The following RMDN1 variants were observed in gnomAD, a reference collection of about 807,000 sequenced individuals.
RMDN1 encodes the protein regulator of microtubule dynamics 1.
Under a neutral mutation model 48.9 loss-of-function variants are expected in RMDN1, and 48 were observed. The ratio of observed to expected loss-of-function variants is 0.98; its 90% CI spans 0.78 to 1.25. The LOEUF (loss-of-function observed/expected upper bound fraction) is 1.25. Among genes scored for constraint, RMDN1 ranks in the 50% most tolerant of loss-of-function variants. The probability of loss-of-function intolerance (pLI) is 0.00; values close to 1 mark genes in which losing one functional copy is unlikely to be tolerated. For missense variants in RMDN1, 418 were observed against 373.4 expected (o/e 1.12, Z -0.98); for synonymous variants, 148 against 132.6 (o/e 1.12, Z -0.80).
At chr8:86,496,947 C>T (rs1386008675) in intron 2 of RMDN1, among the ~76,000 whole-genome samples, 4 of 152,028 alleles carry the variant, frequency 2.6e-5, no homozygotes, top group Admixed American at 6.6e-5. Flanking sequence ...AGCACTCTCT[C>T]AGATCACAGC....
chr8:86,501,032 G>T (rs760272647), intron 2 of RMDN1, among the ~76,000 whole-genome samples: 1 of 152,026 alleles, frequency 6.6e-6, no homozygotes, highest in Admixed American at 6.6e-5. Flanking sequence ...AACAATAGAC[G>T]CTGGGGCCTA....
upstream of RMDN1, among the ~76,000 whole-genome samples, chr8:86,509,623 G>A (rs546410717): frequency 6.6e-6 from 1 of 152,062 alleles, no homozygotes; most frequent in Non-Finnish European, 1.5e-5. Context: ...TTGATCTTCC[G>A]AACTACCTTG....
intron 2 of RMDN1, chr8:86,504,566 G>A (rs1418621037): frequency 3.2e-6 from 4 of 1,244,038 alleles, no homozygotes; most frequent in Non-Finnish European, 2.4e-6. Flanking sequence ...CTGCTGCAAA[G>A]GGCAGGAAGG....
chr8:86,492,651 TTAATAATAATAATAATAATAATAA>T (rs71574272), intron 2 of RMDN1, among the ~76,000 whole-genome samples: 1 of 144,288 alleles, frequency 6.9e-6, no homozygotes, highest in Non-Finnish European at 1.5e-5. Flanking sequence ...AGACTCCGCC[TTAATAATAATAATAATAATAATAA>T]TAATAATAAT....
chr8:86,477,337 CAA>C lies in RMDN1; in HGVS notation c.730-15_730-14del, dbSNP rs551847149. 247 of 1,414,890 alleles carry C rather than the reference CAA, an allele frequency of 1.7e-4. 2 individuals are homozygous for C. In the South Asian group the frequency reaches 2.8e-3, roughly 16 times the overall value. The allele number at this position is 1,414,890 out of a possible 1,614,324, so 87.6% of individuals were successfully genotyped here. A position where few individuals can be genotyped will look rare whatever the true frequency, so the allele number is the denominator to read the frequency against. ...AGTAGCCTAAGGCCTGTCAAAAACACAAAGAGCCCAAACATAATAAAAAAGAT... is the reference window on the plus strand; with the variant it reads ...AGTAGCCTAAGGCCTGTCAAAAACACAGAGCCCAAACATAATAAAAAAGAT... On this transcript the variant is annotated splice_polypyrimidine_tract_variant and intron_variant, in intron 7 of 9. Coordinates refer to ENST00000406452, the MANE Select transcript of RMDN1 (RefSeq NM_016033.3).
intron 2 of RMDN1, chr8:86,504,158 T>C (rs1262890218): frequency 1.4e-6 from 2 of 1,402,348 alleles, no homozygotes; most frequent in Non-Finnish European, 2.0e-6. Flanking sequence ...GGCTTTACCA[T>C]CCTTCCTGCT....
chr8:86,504,277 AC>A, intron 2 of RMDN1: 2 of 1,573,932 alleles, frequency 1.3e-6, no homozygotes, highest in Non-Finnish European at 8.7e-7. Flanking sequence ...GTTGTGGGGC[AC>A]CCAGGATGTA....
At chr8:86,508,711 C>G (rs943757152), upstream of RMDN1, 5 of 1,343,000 alleles carry the variant, frequency 3.7e-6, no homozygotes, top group Non-Finnish European at 3.8e-6. Context: ...CGGAAAGAAC[C>G]GCGCCCGCCC....
At chr8:86,507,271 T>A (rs1490154004) in intron 1 of RMDN1, among the ~76,000 whole-genome samples, 159 bp from the exon 2 acceptor site, 12 of 152,160 alleles carry the variant, frequency 7.9e-5, no homozygotes, top group Non-Finnish European at 1.5e-4. Context: ...TAAAACTATC[T>A]CAAAGCGTAT....
At chr8:86,485,002 T>C in intron 4 of RMDN1, 41 bp from the exon 5 acceptor site, 1 of 1,138,676 alleles carries the variant, frequency 8.8e-7, no homozygotes, top group Non-Finnish European at 1.3e-6. Context: ...ATATTCTTAA[T>C]ATTCCATTCA....
upstream of RMDN1, among the ~76,000 whole-genome samples, chr8:86,512,185 C>T (rs887065240): frequency 3.4e-4 from 52 of 152,226 alleles, no homozygotes; most frequent in African/African-American, 1.2e-3. Context: ...CAAAACCATC[C>T]CCTTGCCTCT....
chr8:86,501,457 G>A (rs111835857), intron 2 of RMDN1, among the ~76,000 whole-genome samples: 26 of 152,290 alleles, frequency 1.7e-4, no homozygotes, highest in African/African-American at 6.3e-4. Flanking sequence ...TGGATTGCTT[G>A]AGCCTAGGAG....
At chr8:86,494,384 C>T (rs368531147) in intron 2 of RMDN1, among the ~76,000 whole-genome samples, 5 of 151,938 alleles carry the variant, frequency 3.3e-5, no homozygotes, top group Admixed American at 1.3e-4. Flanking sequence ...GGCAAAACCC[C>T]GTCTCTACCA....
Position 86,472,658 on chromosome 8 carries a change from T to TG in RMDN1, c.*1649_*1650insC. ...TTCACTGTATCAGTGGTGTGTCATA[T>TG]TTTTTTTTTTGCCATCCTTGTTCCT... On this transcript the variant is annotated 3_prime_UTR_variant, in exon 10 of 10. Transcript: ENST00000406452. 1 of 218,198 alleles carries TG rather than the reference T, an allele frequency of 4.6e-6. No individual in the cohort carries two copies. The highest frequency in any genetic ancestry group is 1.0e-4 in the South Asian group (1 of 9,602). The allele number at this position is 218,198 out of a possible 1,614,324, so 13.5% of individuals were successfully genotyped here.
intron 2 of RMDN1, among the ~76,000 whole-genome samples, chr8:86,506,496 T>C (rs140317655): frequency 1.4e-4 from 21 of 152,352 alleles, no homozygotes; most frequent in Non-Finnish European, 2.6e-4. Flanking sequence ...CAATGTACAG[T>C]GTAGCCCACA....
intron 2 of RMDN1, among the ~76,000 whole-genome samples, chr8:86,500,377 C>T (rs1454476697): frequency 6.6e-6 from 1 of 151,738 alleles, no homozygotes; most frequent in Non-Finnish European, 1.5e-5. Flanking sequence ...AAGACATGAA[C>T]ACTTCTCAAA....
In RMDN1 at chr8:86,490,616, T is replaced by C. The variant is rs564655488; in HGVS notation, c.248-1977A>G. ...CATTTTTGGCTTCTGAACGGCAAGA[T>C]ACAGAACTAAAGAACCCTAAGATAA... On this transcript the variant is annotated intron_variant, in intron 2 of 9. Coordinates refer to ENST00000406452, the MANE Select transcript of RMDN1 (RefSeq NM_016033.3). Among the ~76,000 whole-genome samples the C allele has an allele frequency of 1.8e-3, 278 of 152,276 alleles. 2 individuals carry two copies. The highest frequency in any genetic ancestry group is 2.8e-3 in the Non-Finnish European group (191 of 68,004).
At chr8:86,500,960 C>G (rs561073287) in intron 2 of RMDN1, among the ~76,000 whole-genome samples, 2 of 152,186 alleles carry the variant, frequency 1.3e-5, no homozygotes, top group Non-Finnish European at 2.9e-5. Flanking sequence ...AAACCAAATA[C>G]TGCATGTTTT....
intron 2 of RMDN1, among the ~76,000 whole-genome samples, chr8:86,492,608 G>A (rs751890020): frequency 2.0e-5 from 3 of 151,466 alleles, no homozygotes; most frequent in Non-Finnish European, 4.4e-5. Context: ...AAATGAGATC[G>A]CACCAATGCA....
Sources: allele counts gnomAD v4.1 joint callset (sites outside exome capture counted in the v4.1 genomes callset), GRCh38; gene constraint gnomAD v4.1.1; transcripts MANE v1.5; gene names NCBI Gene and HGNC (gene_info 2026-07-23, HGNC 2026-07-21).